ZFR: variants seen among roughly 807,000 people sequenced by gnomAD.
ZFR encodes zinc finger RNA binding protein.
A neutral mutation model predicts 130.7 loss-of-function variants in ZFR; 19 were observed. The ratio of observed to expected loss-of-function variants is 0.15; its 90% CI spans 0.10 to 0.21. ZFR has a LOEUF of 0.21. Ranked by LOEUF, ZFR falls within the 10% of genes least tolerant of loss-of-function variation. The pLI is 1.00. For missense variants in ZFR, 872 were observed against 1,321.5 expected (o/e 0.66, Z 5.27); for synonymous variants, 466 against 456.9 (o/e 1.02, Z -0.25).
rs950111252 is a variant in ZFR, at chr5:32,404,303, T to G, written c.1033-206A>C. 2.6e-5 allele frequency among the ~76,000 whole-genome samples: 4 copies of G among 152,344 alleles called. No homozygotes were observed. The East Asian group carries it at 7.7e-4, about 29-fold the overall frequency. On this transcript the variant is annotated intron_variant, in intron 6 of 19. Coordinates refer to ENST00000265069, the MANE Select transcript of ZFR (RefSeq NM_016107.5). ...GTTTATCAAGAATATTATCTAACAC[T>G]GAGTTACAAAGTACTTTCATATATA... is the stretch of plus-strand genomic sequence containing the variant.
chr5:32,363,833 G>A, intron 19 of ZFR, 115 bp downstream of exon 19: 1 of 834,202 alleles, frequency 1.2e-6, no homozygotes, highest in East Asian at 2.8e-5. Flanking sequence ...GCTTACTACA[G>A]AAGCAGAAGA....
At chr5:32,373,338 A>C (rs1752719792) in intron 17 of ZFR, among the ~76,000 whole-genome samples, 1 of 152,056 alleles carries the variant, frequency 6.6e-6, no homozygotes, top group Admixed American at 6.6e-5. Context: ...GGTTGCAGTG[A>C]CCCCAGGTTG....
At chr5:32,380,450 T>C (rs569549635) in intron 15 of ZFR, 317 of 271,084 alleles carry the variant, frequency 1.2e-3, no homozygotes, top group African/African-American at 6.5e-3. Context: ...CACAGTGCAC[T>C]AGCACAAAGA....
chr5:32,370,078 T>C (rs1345437254), intron 17 of ZFR, among the ~76,000 whole-genome samples: 1 of 149,734 alleles, frequency 6.7e-6, no homozygotes, highest in Non-Finnish European at 1.5e-5. Context: ...CATTAATCAA[T>C]ACAGTGGCAG....
intron 2 of ZFR, among the ~76,000 whole-genome samples, chr5:32,439,788 A>C (rs1287990360): frequency 7.9e-6 from 1 of 127,360 alleles, no homozygotes; most frequent in Non-Finnish European, 1.6e-5. Flanking sequence ...TGGGTGAGAG[A>C]GCGAGACCAT....
At chr5:32,397,020 ATTC>A (rs1753329402) in intron 10 of ZFR, among the ~76,000 whole-genome samples, 196 bp downstream of exon 10, 1 of 152,208 alleles carries the variant, frequency 6.6e-6, no homozygotes, top group South Asian at 2.1e-4. Context: ...TGAGAATGTT[ATTC>A]TTCTTTATTT....
At chr5:32,403,010 G>A (rs2111774653) in intron 8 of ZFR, 96 bp downstream of exon 8, 1 of 1,220,744 alleles carries the variant, frequency 8.2e-7, no homozygotes, top group Non-Finnish European at 1.2e-6. Flanking sequence ...AAGGGAGGAG[G>A]CAGGTCCAAG....
Position 32,440,772 on chromosome 5 carries a change from A to C in ZFR, c.137+3457T>G, listed in dbSNP as rs899333539. 2.0e-5 allele frequency among the ~76,000 whole-genome samples: 3 copies of C among 152,236 alleles called. No individual in the cohort carries two copies. The East Asian group carries it at 5.8e-4, about 29-fold the overall frequency. On this transcript the variant is annotated intron_variant, in intron 2 of 19. Transcript: ENST00000265069. ...GTCTAATATGCATGAACACAAATGAAAAATGTGGTAACTAATCTACAAGTT... is the reference window on the plus strand; with the variant it reads ...GTCTAATATGCATGAACACAAATGACAAATGTGGTAACTAATCTACAAGTT...
At chr5:32,408,843 ACTTT>A (rs1167722324) in intron 5 of ZFR, among the ~76,000 whole-genome samples, 1 of 152,182 alleles carries the variant, frequency 6.6e-6, no homozygotes, top group African/African-American at 2.4e-5. Flanking sequence ...CTATTATCAC[ACTTT>A]CTATCTTAAA....
chr5:32,356,807 T>C (rs1752326330), intron 19 of ZFR, among the ~76,000 whole-genome samples: 1 of 152,180 alleles, frequency 6.6e-6, no homozygotes, highest in Admixed American at 6.5e-5. Context: ...AGAAAGAACT[T>C]TTATTAATCA....
At position 32,390,257 on chromosome 5, in the gene ZFR, AC is replaced by A; in HGVS notation, c.2142+17del. On this transcript the variant is annotated intron_variant, in intron 12 of 19. Transcript: ENST00000265069. Reference sequence around the variant, plus strand: ...CAGTCAAACTTTCACCCCTTGTATCACCAACGTGGACACTCACTGCAGGCCC... The same window carrying A: ...CAGTCAAACTTTCACCCCTTGTATCACAACGTGGACACTCACTGCAGGCCC... The A allele has an allele frequency of 3.1e-6, 5 of 1,602,638 alleles. No homozygotes were observed. Among genetic ancestry groups the A allele is most frequent in the Non-Finnish European group, 4.3e-6 (5 of 1,171,672 alleles).
intron 5 of ZFR, among the ~76,000 whole-genome samples, chr5:32,409,280 C>G (rs927195102): frequency 6.6e-6 from 1 of 152,050 alleles, no homozygotes; most frequent in African/African-American, 2.4e-5. Context: ...AAGTAAAATC[C>G]ACAGCTTTCA....
chr5:32,411,522 C>T (rs1030174262), intron 5 of ZFR, among the ~76,000 whole-genome samples: 1 of 151,670 alleles, frequency 6.6e-6, no homozygotes, highest in Non-Finnish European at 1.5e-5. Flanking sequence ...AACCCCGTCT[C>T]TACTAAAAAT....
At chr5:32,385,755 TGAGG>T (rs1183491256) in intron 14 of ZFR, 106 bp from the exon 15 acceptor site, 1 of 1,294,086 alleles carries the variant, frequency 7.7e-7, no homozygotes, top group Non-Finnish European at 1.1e-6. Context: ...CCATTCTATA[TGAGG>T]ACCAGATTAT....
rs541667985 is a variant in ZFR at position 32,376,224 on chromosome 5, T to C, written c.2835+2891A>G. ...TACAGGTCTCTATACTAGTCATCTC[T>C]TCCTCTCACTCCTCAGAAATAATCA... On this transcript the variant is annotated intron_variant, in intron 17 of 19. Transcript: ENST00000265069. 1.1e-4 allele frequency among the ~76,000 whole-genome samples: 17 copies of C among 152,362 alleles called. No individual in the cohort carries two copies. In the South Asian group the frequency reaches 3.5e-3, roughly 32 times the overall value.
intron 11 of ZFR, among the ~76,000 whole-genome samples, chr5:32,393,222 G>A (rs867060214): frequency 2.0e-5 from 3 of 152,004 alleles, no homozygotes; most frequent in Non-Finnish European, 2.9e-5. Context: ...TTTTTTTACT[G>A]TATTTTATTG....
At chr5:32,427,552 A>T (rs1754101244) in intron 2 of ZFR, among the ~76,000 whole-genome samples, 1 of 152,176 alleles carries the variant, frequency 6.6e-6, no homozygotes, top group South Asian at 2.1e-4. Context: ...TATTGTTAAG[A>T]TGTTAATACT....
At chr5:32,356,661 C>T (rs894950424) in intron 19 of ZFR, among the ~76,000 whole-genome samples, 6 of 152,026 alleles carry the variant, frequency 3.9e-5, no homozygotes, top group South Asian at 2.1e-4. Context: ...CCTCGTGATC[C>T]GCCCGCCTCG....
At chr5:32,387,461 G>T in intron 14 of ZFR, 88 bp downstream of exon 14, 1 of 1,479,520 alleles carries the variant, frequency 6.8e-7, no homozygotes, top group Non-Finnish European at 9.1e-7. Context: ...TTAAAGGCTG[G>T]CTTAGGTTTA....
Sources: allele counts gnomAD v4.1 joint callset (sites outside exome capture counted in the v4.1 genomes callset), GRCh38; gene constraint gnomAD v4.1.1; transcripts MANE v1.5; gene names NCBI Gene and HGNC (gene_info 2026-07-23, HGNC 2026-07-21).